PRICKLE1: variants seen among roughly 807,000 people sequenced by gnomAD.
PRICKLE1 encodes prickle planar cell polarity protein 1, also known as prickle-like protein 1.
In PRICKLE1, 14 loss-of-function variants were observed where a neutral mutation model predicts 70.2. The observed-to-expected ratio is 0.20, with a 90% CI of 0.13 to 0.31. The LOEUF is 0.31. Among genes scored for constraint, PRICKLE1 ranks in the 10% least tolerant of loss-of-function variants. The probability of loss-of-function intolerance (pLI) is 1.00; values close to 1 mark genes in which losing one functional copy is unlikely to be tolerated. For missense variants in PRICKLE1, 821 were observed against 1,026.2 expected, an observed-to-expected ratio of 0.80 and a Z score of 2.73; for synonymous variants, 357 against 379.9, an observed-to-expected ratio of 0.94 and a Z score of 0.70.
chr12:42,474,297 T>C (rs1938438265), intron 1 of PRICKLE1, among the ~76,000 whole-genome samples: 2 of 152,136 alleles, frequency 1.3e-5, no homozygotes, highest in South Asian at 4.1e-4. Context: ...AAATAAAACT[T>C]GATTAAAATT....
intron 1 of PRICKLE1, among the ~76,000 whole-genome samples, chr12:42,498,346 G>A (rs1939247153): frequency 6.6e-6 from 1 of 151,400 alleles, no homozygotes; most frequent in South Asian, 2.1e-4. Flanking sequence ...TTAATTTTTT[G>A]TATTTTTAGT....
chr12:42,469,925 C>T (rs1280718401), intron 3 of PRICKLE1: 15 of 490,408 alleles, frequency 3.1e-5, no homozygotes, highest in Non-Finnish European at 5.2e-5. Context: ...ATGCACTCAA[C>T]TCAACTGCAG....
chr12:42,477,457 C>T (rs7358732), intron 1 of PRICKLE1, among the ~76,000 whole-genome samples: 43 of 58,290 alleles, frequency 7.4e-4, no homozygotes, highest in Middle Eastern at 0.01. Flanking sequence ...TATGTATATA[C>T]GTATATATGT....
intron 1 of PRICKLE1, among the ~76,000 whole-genome samples, chr12:42,572,954 G>A (rs538254493): frequency 6.6e-6 from 1 of 152,108 alleles, no homozygotes; most frequent in African/African-American, 2.4e-5. Context: ...GCAGAGCATC[G>A]AACCCAAAGC....
chr12:42,467,689 T>C (rs1351324442), intron 5 of PRICKLE1, among the ~76,000 whole-genome samples: 2 of 151,998 alleles, frequency 1.3e-5, no homozygotes, highest in Non-Finnish European at 2.9e-5. Flanking sequence ...GAGGTTGCAG[T>C]GAGCCAAGAT....
intron 1 of PRICKLE1, among the ~76,000 whole-genome samples, chr12:42,533,512 T>C (rs1939961586): frequency 6.6e-6 from 1 of 152,186 alleles, no homozygotes; most frequent in Admixed American, 6.5e-5. Context: ...TGTGTAAATA[T>C]AGTATAAGAA....
intron 1 of PRICKLE1, chr12:42,550,456 T>C (rs938292441): frequency 6.6e-6 from 1 of 152,214 alleles, no homozygotes; most frequent in African/African-American, 2.4e-5. Flanking sequence ...ATTAGTTTAT[T>C]TACTGGAAGA....
At chr12:42,561,115 C>T (rs921053376) in intron 1 of PRICKLE1, among the ~76,000 whole-genome samples, 21 of 152,142 alleles carry the variant, frequency 1.4e-4, no homozygotes, top group Non-Finnish European at 2.8e-4. Flanking sequence ...CTTCAACAAA[C>T]CAACACCCTT....
chr12:42,503,678 T>C (rs1470513835), intron 1 of PRICKLE1, among the ~76,000 whole-genome samples: 1 of 152,216 alleles, frequency 6.6e-6, no homozygotes, highest in Admixed American at 6.5e-5. Context: ...CTGAGTCTTA[T>C]AGTCATAGAA....
chr12:42,459,680 T>G lies in PRICKLE1; in HGVS notation c.*129A>C. On this transcript the variant is annotated 3_prime_UTR_variant, in exon 8 of 8. Coordinates refer to ENST00000345127, the MANE Select transcript of PRICKLE1 (RefSeq NM_153026.3). ...GTTAATCTGACACTGTAAACAGCAG[T>G]TGAGTTCTCATTTACATGGGCAAAG... The G allele has an allele frequency of 7.5e-6, 8 of 1,061,896 alleles. No homozygotes were observed. In the Middle Eastern group the frequency reaches 2.1e-3, roughly 283 times the overall value. The allele number at this position is 1,061,896 out of a possible 1,614,324, so 65.8% of individuals were successfully genotyped here. A position where few individuals can be genotyped will look rare whatever the true frequency, so the allele number is the denominator to read the frequency against.
chr12:42,497,575 A>T (rs1257551583), intron 1 of PRICKLE1, among the ~76,000 whole-genome samples: 2 of 151,844 alleles, frequency 1.3e-5, no homozygotes, highest in Non-Finnish European at 2.9e-5. Flanking sequence ...AATTCGATTA[A>T]ATTTGCCATC....
intron 1 of PRICKLE1, among the ~76,000 whole-genome samples, chr12:42,533,674 A>G (rs776242966): frequency 8.5e-5 from 13 of 152,186 alleles, no homozygotes; most frequent in South Asian, 2.1e-4. Context: ...GTACTGCCAT[A>G]CCCCACAAAA....
At chr12:42,572,725 G>A (rs1285464324) in intron 1 of PRICKLE1, among the ~76,000 whole-genome samples, 1 of 152,106 alleles carries the variant, frequency 6.6e-6, no homozygotes, top group Non-Finnish European at 1.5e-5. Flanking sequence ...TACTTGGTAG[G>A]CTGAGGTAGG....
chr12:42,584,283 A>G (rs1185429156), intron 1 of PRICKLE1: 3 of 152,232 alleles, frequency 2.0e-5, no homozygotes, highest in Non-Finnish European at 4.4e-5. Context: ...ATGATGTCCA[A>G]TAACCTAAAA....
In PRICKLE1 at chr12:42,469,561, T is replaced by C. The variant is rs1166372359; in HGVS notation, c.273A>G (p.Glu91=). 2 of 1,614,140 alleles carry C rather than the reference T, an allele frequency of 1.2e-6. No individual in the cohort carries two copies. The highest frequency in any genetic ancestry group is 1.7e-6 in the Non-Finnish European group (2 of 1,180,024). Residue 91 remains glutamate (E), a synonymous_variant, in exon 4 of 8, where the codon GAA becomes GAG. Transcript: ENST00000345127. ...NEVRYCQSLS[E]EEKKELQVFS... is the part of the protein sequence containing the mutation. ...ACACCTGCAACTCTTTTTTCTCCTC[T>C]TCACTCAAAGACTGGCAATACCGTA...
intron 1 of PRICKLE1, among the ~76,000 whole-genome samples, chr12:42,566,478 G>A (rs1448799289): frequency 6.6e-6 from 1 of 152,146 alleles, no homozygotes; most frequent in Non-Finnish European, 1.5e-5. Flanking sequence ...AAGCAAGCTG[G>A]TAGAGTGGAC....
At chr12:42,578,110 C>T (rs1051161429) in intron 1 of PRICKLE1, among the ~76,000 whole-genome samples, 1 of 152,166 alleles carries the variant, frequency 6.6e-6, no homozygotes, top group African/African-American at 2.4e-5. Flanking sequence ...AAAGAACCCC[C>T]AAGTTGAAAC....
chr12:42,469,626 A>G, intron 3 of PRICKLE1, 39 bp from the exon 4 acceptor site: 1 of 1,612,758 alleles, frequency 6.2e-7, no homozygotes, highest in Non-Finnish European at 8.5e-7. Context: ...CACTGAGTGC[A>G]CAGTCTTTCT....
intron 1 of PRICKLE1, among the ~76,000 whole-genome samples, chr12:42,569,578 T>C (rs913868339): frequency 6.6e-6 from 1 of 152,240 alleles, no homozygotes. Context: ...TTTCAGCTTG[T>C]ATGTCATTCT....
Sources: gnomAD v4.1 joint callset for allele counts (sites outside exome capture counted in the v4.1 genomes callset) on GRCh38, gnomAD v4.1.1 for gene constraint, MANE v1.5 for transcripts, NCBI Gene and HGNC (gene_info 2026-07-23, HGNC 2026-07-21) for gene names.